FER: variants seen among roughly 807,000 people sequenced by gnomAD.
The protein encoded by FER is tyrosine-protein kinase Fer.
Under a neutral mutation model 111.0 loss-of-function variants are expected in FER, and 63 were observed. That is an observed-to-expected ratio of 0.57 (90% CI 0.46 to 0.70). The LOEUF (loss-of-function observed/expected upper bound fraction) is 0.70, where lower values mean the gene tolerates loss of function less well. FER is among the 30% of genes least tolerant of loss of function. The pLI is 0.00. For missense variants in FER, 914 were observed against 954.0 expected (o/e 0.96, Z 0.55); for synonymous variants, 327 against 313.9 (o/e 1.04, Z -0.44).
chr5:109,193,857 C>T lies in FER; in HGVS notation c.*6282C>T, dbSNP rs1322312356. On this transcript the variant is annotated 3_prime_UTR_variant, in exon 20 of 20. Coordinates refer to ENST00000281092, the MANE Select transcript of FER (RefSeq NM_005246.4). ...AGCCTTCTAAGGAACTCCCAGGCAC[C>T]TACTTAACAAGGCCAGCTACACACT... 2 of 152,150 alleles carry T rather than the reference C, an allele frequency of 1.3e-5. No homozygotes were observed. Among genetic ancestry groups the T allele is most frequent in the African/African-American group, 2.4e-5 (1 of 41,430 alleles). 9.4% of individuals were successfully genotyped at this position (152,150 alleles called of 1,614,324 possible).
intron 10 of FER, among the ~76,000 whole-genome samples, chr5:108,939,917 C>G (rs548053124): frequency 1.1e-4 from 17 of 152,084 alleles, no homozygotes. Context: ...TAAAACCATT[C>G]AGGAACTTTT....
intron 13 of FER, among the ~76,000 whole-genome samples, chr5:108,968,728 A>T (rs1760226577): frequency 6.6e-6 from 1 of 152,122 alleles, no homozygotes; most frequent in African/African-American, 2.4e-5. Context: ...TATAATATGT[A>T]TATAATAGTT....
intron 17 of FER, among the ~76,000 whole-genome samples, chr5:109,179,314 T>C (rs1758031950): frequency 6.6e-6 from 1 of 152,206 alleles, no homozygotes; most frequent in Non-Finnish European, 1.5e-5. Flanking sequence ...TTTCACCATT[T>C]AAGTGTGTAA....
intron 10 of FER, among the ~76,000 whole-genome samples, chr5:108,930,814 A>G (rs912287357): frequency 6.6e-6 from 1 of 151,212 alleles, no homozygotes. Flanking sequence ...GGGTTTCACC[A>G]TGTTGCCCAG....
At chr5:108,949,367 T>A (rs1418266156) in intron 11 of FER, among the ~76,000 whole-genome samples, 1 of 152,068 alleles carries the variant, frequency 6.6e-6, no homozygotes, top group Non-Finnish European at 1.5e-5. Flanking sequence ...CTTAAGGTCT[T>A]AAGTTGCGCT....
chr5:108,900,368 A>G (rs1331038259), intron 10 of FER, among the ~76,000 whole-genome samples: 1 of 152,238 alleles, frequency 6.6e-6, no homozygotes, highest in African/African-American at 2.4e-5. Context: ...CTTGGAAACG[A>G]AAACAATCAA....
At chr5:108,807,428 C>T (rs1561449077) in intron 3 of FER, among the ~76,000 whole-genome samples, 1 of 152,130 alleles carries the variant, frequency 6.6e-6, no homozygotes, top group African/African-American at 2.4e-5. Context: ...TCGTAATAGT[C>T]TCTGAGGATC....
rs1280794043 is a variant in FER at position 109,100,487 on chromosome 5, G to A, written c.2016G>A (p.Met672Ile). Residue 672 changes from methionine (M) to isoleucine (I), a missense_variant, in exon 17 of 20, where the codon ATG becomes ATA. By Grantham distance (10) the Met-to-Ile change is conservative. This residue lies in a region of FER where 774 missense variants were observed against 782.6 expected (regional missense o/e 0.99). Transcript: ENST00000281092. ...VKFSLDAAAGMLYLESKNCIH... is the reference protein window; with the variant it reads ...VKFSLDAAAGILYLESKNCIH... ...TTTCATTAGACGCTGCTGCTGGTATGTTGTATCTCGAGAGTAAAAACTGTA... is the reference window on the plus strand; with the variant it reads ...TTTCATTAGACGCTGCTGCTGGTATATTGTATCTCGAGAGTAAAAACTGTA... 6.2e-7 allele frequency: 1 copy of A among 1,611,162 alleles called. No homozygotes were observed. Among genetic ancestry groups the A allele is most frequent in the Non-Finnish European group, 8.5e-7 (1 of 1,177,902 alleles).
intron 16 of FER, among the ~76,000 whole-genome samples, chr5:109,054,682 A>C (rs528585520): frequency 6.7e-6 from 1 of 148,934 alleles, no homozygotes; most frequent in African/African-American, 2.5e-5. Context: ...CAAGGTCCTA[A>C]AAGTTGTTTC....
intron 16 of FER, among the ~76,000 whole-genome samples, chr5:109,076,805 C>T (rs939280865): frequency 1.3e-5 from 2 of 152,164 alleles, no homozygotes; most frequent in African/African-American, 4.8e-5. Context: ...CATATAGTAA[C>T]AACAGCAACA....
intron 17 of FER, among the ~76,000 whole-genome samples, chr5:109,177,252 A>G (rs1174716775): frequency 6.6e-6 from 1 of 152,158 alleles, no homozygotes; most frequent in African/African-American, 2.4e-5. Context: ...ATAGTAGAGC[A>G]AATGAAATAT....
At chr5:108,795,167 AT>A (rs957582979) in intron 2 of FER, among the ~76,000 whole-genome samples, 1 of 152,154 alleles carries the variant, frequency 6.6e-6, no homozygotes, top group Admixed American at 6.6e-5. Flanking sequence ...TTACAAAAAA[AT>A]TTTAAAATTA....
intron 17 of FER, among the ~76,000 whole-genome samples, chr5:109,162,308 G>C (rs1756078350): frequency 6.6e-6 from 1 of 152,070 alleles, no homozygotes; most frequent in African/African-American, 2.4e-5. Flanking sequence ...CCATAAGACA[G>C]TCATATCATT....
Position 109,193,690 on chromosome 5 carries a change from C to T in FER, c.*6115C>T, listed in dbSNP as rs1759534093. 1 of 152,134 alleles carries T rather than the reference C, an allele frequency of 6.6e-6. No individual in the cohort carries two copies. The highest frequency in any genetic ancestry group is 6.5e-5 in the Admixed American group (1 of 15,274). The allele number at this position is 152,134 out of a possible 1,614,324, so 9.4% of individuals were successfully genotyped here. ...TGCTAGTTTTTCCAGTATTTGACTTCTGATTACTATTTCCTTTTCTCATCT... is the reference window on the plus strand; with the variant it reads ...TGCTAGTTTTTCCAGTATTTGACTTTTGATTACTATTTCCTTTTCTCATCT... On this transcript the variant is annotated 3_prime_UTR_variant, in exon 20 of 20. Coordinates refer to ENST00000281092, the MANE Select transcript of FER (RefSeq NM_005246.4).
At chr5:108,796,459 G>T (rs1043134915) in intron 2 of FER, among the ~76,000 whole-genome samples, 23 of 152,210 alleles carry the variant, frequency 1.5e-4, no homozygotes, top group Non-Finnish European at 2.5e-4. Flanking sequence ...CTTTCCTCAA[G>T]GGTGGTGAGT....
chr5:108,779,331 CT>C (rs1753807028), intron 2 of FER, among the ~76,000 whole-genome samples: 1 of 152,082 alleles, frequency 6.6e-6, no homozygotes, highest in African/African-American at 2.4e-5. Context: ...CACAAAATAA[CT>C]TGATAAGATT....
chr5:109,034,089 C>A (rs933169840), intron 13 of FER, among the ~76,000 whole-genome samples: 1 of 152,106 alleles, frequency 6.6e-6, no homozygotes, highest in Non-Finnish European at 1.5e-5. Flanking sequence ...GAAACTTACT[C>A]CTCCCATCTA....
In FER at chr5:108,971,463, G is replaced by C. The variant is rs932488637; in HGVS notation, c.1656+12116G>C. ...GGAAGCTGTTACAGAAAAGGAGTTA[G>C]CTAATTTCATGATTAGAAAGGAAGA... is the stretch of plus-strand genomic sequence containing the variant. On this transcript the variant is annotated intron_variant, in intron 13 of 19. Transcript: ENST00000281092. 1.8e-4 allele frequency among the ~76,000 whole-genome samples: 28 copies of C among 152,112 alleles called. 1 individual carries two copies. Among genetic ancestry groups the C allele is most frequent in the African/African-American group, 6.5e-4 (27 of 41,444 alleles).
chr5:108,878,401 A>G (rs1302458510), intron 8 of FER, among the ~76,000 whole-genome samples: 1 of 152,196 alleles, frequency 6.6e-6, no homozygotes, highest in African/African-American at 2.4e-5. Context: ...CAGAATGTAT[A>G]TACAATGTAT....
Sources: allele counts gnomAD v4.1 joint callset (sites outside exome capture counted in the v4.1 genomes callset), GRCh38; gene constraint gnomAD v4.1.1; regional missense constraint gnomAD v4.1.1; transcripts MANE v1.5; gene names NCBI Gene and HGNC (gene_info 2026-07-23, HGNC 2026-07-21).